The following LRMDA variants were observed in gnomAD, a reference collection of about 807,000 sequenced individuals.
LRMDA encodes leucine rich melanocyte differentiation associated.
Under a neutral mutation model 29.8 loss-of-function variants are expected in LRMDA, and 18 were observed. The observed-to-expected ratio is 0.60, with a 90% confidence interval of 0.42 to 0.90. The LOEUF (loss-of-function observed/expected upper bound fraction) is 0.90. Ranked by LOEUF, LRMDA falls within the 40% of genes least tolerant of loss-of-function variation. LRMDA has a pLI of 0.00. For synonymous variants in LRMDA, 125 were observed against 109.4 expected, an observed-to-expected ratio of 1.14 and a Z score of -0.89; for missense variants, 273 against 273.9, an observed-to-expected ratio of 1.00 and a Z score of 0.02.
At chr10:76,494,090 G>A (rs1051260464) in intron 6 of LRMDA, among the ~76,000 whole-genome samples, 10 of 151,888 alleles carry the variant, frequency 6.6e-5, no homozygotes, top group Non-Finnish European at 1.0e-4. Context: ...GTGATTTTCT[G>A]TATAGCTGAT....
At chr10:76,385,165 A>G (rs1314100944) in intron 6 of LRMDA, among the ~76,000 whole-genome samples, 1 of 152,242 alleles carries the variant, frequency 6.6e-6, no homozygotes. Context: ...AGAGGCTGTC[A>G]GTGAGTGAGA....
intron 4 of LRMDA, among the ~76,000 whole-genome samples, chr10:76,049,683 T>C (rs1047273778): frequency 6.6e-6 from 1 of 152,142 alleles, no homozygotes; most frequent in Admixed American, 6.5e-5. Context: ...AATTTTAGGG[T>C]TTTGCAATAT....
chr10:75,867,290 G>A (rs1481427941), intron 2 of LRMDA, among the ~76,000 whole-genome samples: 1 of 152,136 alleles, frequency 6.6e-6, no homozygotes, highest in African/African-American at 2.4e-5. Flanking sequence ...AGCCTCCTGA[G>A]TAGCTGGGAT....
At chr10:76,210,888 C>T (rs954200459) in intron 5 of LRMDA, among the ~76,000 whole-genome samples, 48 of 152,178 alleles carry the variant, frequency 3.2e-4, no homozygotes, top group Admixed American at 1.3e-3. Context: ...GGATAAGGTT[C>T]TGCTTTAATT....
At chr10:75,628,339 T>C (rs1167305893) in intron 2 of LRMDA, among the ~76,000 whole-genome samples, 3 of 152,204 alleles carry the variant, frequency 2.0e-5, no homozygotes, top group African/African-American at 2.4e-5. Context: ...TGACTTGAGC[T>C]TTATATTATG....
At chr10:76,401,322 T>G (rs1345250144) in intron 6 of LRMDA, among the ~76,000 whole-genome samples, 1 of 152,220 alleles carries the variant, frequency 6.6e-6, no homozygotes, top group East Asian at 1.9e-4. Context: ...ATTTACTTGC[T>G]TATTCTTTTA....
At chr10:75,858,503 G>A (rs1197080117) in intron 2 of LRMDA, among the ~76,000 whole-genome samples, 2 of 152,172 alleles carry the variant, frequency 1.3e-5, no homozygotes. Context: ...AGCACTTAAT[G>A]TGTGCTGAGT....
chr10:75,782,685 G>A lies in LRMDA; in HGVS notation c.132-253323G>A. On this transcript the variant is annotated intron_variant, in intron 2 of 6. Coordinates refer to ENST00000611255, the MANE Select transcript of LRMDA (RefSeq NM_001305581.2). ...GTCCTCGCTGCCGGTGCAGTTCCAAGTAGAGTCAACATAAAGCCAGGCACT... is the reference window on the plus strand; with the variant it reads ...GTCCTCGCTGCCGGTGCAGTTCCAAATAGAGTCAACATAAAGCCAGGCACT... 5 of 1,193,644 alleles carry A rather than the reference G, an allele frequency of 4.2e-6. No individual in the cohort carries two copies. In the South Asian group the frequency reaches 1.1e-4, roughly 27 times the overall value. The allele number at this position is 1,193,644 out of a possible 1,614,324, so 73.9% of individuals were successfully genotyped here. A position where few individuals can be genotyped will look rare whatever the true frequency, so the allele number is the denominator to read the frequency against.
At chr10:75,988,017 T>C (rs531232738) in intron 2 of LRMDA, among the ~76,000 whole-genome samples, 1 of 152,302 alleles carries the variant, frequency 6.6e-6, no homozygotes, top group East Asian at 1.9e-4. Flanking sequence ...TCAGGTTATA[T>C]GTGTTTCGTT....
At chr10:75,603,617 A>G (rs1268530864) in intron 2 of LRMDA, among the ~76,000 whole-genome samples, 1 of 152,132 alleles carries the variant, frequency 6.6e-6, no homozygotes, top group East Asian at 1.9e-4. Flanking sequence ...AAAACTGGCC[A>G]TTAGTCTCAG....
intron 2 of LRMDA, among the ~76,000 whole-genome samples, chr10:75,898,650 G>GA (rs138051065): frequency 1.7e-4 from 26 of 149,856 alleles, no homozygotes; most frequent in Non-Finnish European, 2.2e-4. Flanking sequence ...CTCAAAACAA[G>GA]AAAAAAAAAG....
chr10:76,431,071 C>T (rs758469093), intron 6 of LRMDA, among the ~76,000 whole-genome samples: 5 of 152,156 alleles, frequency 3.3e-5, no homozygotes, highest in South Asian at 2.1e-4. Flanking sequence ...TTTATCTCTA[C>T]AGTTCAAGGC....
intron 5 of LRMDA, among the ~76,000 whole-genome samples, chr10:76,125,246 A>G (rs935662409): frequency 6.6e-6 from 1 of 152,106 alleles, no homozygotes; most frequent in African/African-American, 2.4e-5. Context: ...CCTTTTCTGC[A>G]GGGGTGGAGG....
intron 2 of LRMDA, among the ~76,000 whole-genome samples, chr10:75,880,991 T>C (rs1845285158): frequency 6.6e-6 from 1 of 152,154 alleles, no homozygotes; most frequent in African/African-American, 2.4e-5. Flanking sequence ...AATGATACTT[T>C]CTTGAAGATG....
At chr10:76,195,720 A>G (rs1851320920) in intron 5 of LRMDA, among the ~76,000 whole-genome samples, 1 of 152,228 alleles carries the variant, frequency 6.6e-6, no homozygotes, top group African/African-American at 2.4e-5. Context: ...CATATTGTTG[A>G]CTGATTCATC....
chr10:75,537,215 C>T (rs1475751895), intron 2 of LRMDA, among the ~76,000 whole-genome samples: 3 of 152,084 alleles, frequency 2.0e-5, no homozygotes, highest in Non-Finnish European at 4.4e-5. Flanking sequence ...CTTGTCATTG[C>T]CTCATTATTA....
chr10:76,299,126 C>T lies in LRMDA; in HGVS notation c.517-25275C>T, dbSNP rs960363571. Among the ~76,000 whole-genome samples the T allele has an allele frequency of 5.3e-5, 8 of 151,240 alleles. No homozygotes were observed. The East Asian group carries it at 7.7e-4, about 15-fold the overall frequency. On this transcript the variant is annotated intron_variant, in intron 5 of 6. Coordinates refer to ENST00000611255, the MANE Select transcript of LRMDA (RefSeq NM_001305581.2). ...CAGATAGATGTTCCTCCTGCATATA[C>T]GTCAGGAACATCTGCTGTTAGAGAA...
chr10:75,970,736 G>A (rs1339322721), intron 2 of LRMDA, among the ~76,000 whole-genome samples: 1 of 152,156 alleles, frequency 6.6e-6, no homozygotes, highest in Non-Finnish European at 1.5e-5. Context: ...GAAGAGGATG[G>A]GCACAGAGGA....
At chr10:75,608,624 T>C (rs1318216838) in intron 2 of LRMDA, among the ~76,000 whole-genome samples, 5 of 152,180 alleles carry the variant, frequency 3.3e-5, no homozygotes, top group African/African-American at 1.2e-4. Flanking sequence ...ATTGTATATA[T>C]TGACAATAAC....
Sources: allele counts gnomAD v4.1 joint callset (sites outside exome capture counted in the v4.1 genomes callset), GRCh38; gene constraint gnomAD v4.1.1; transcripts MANE v1.5; gene names NCBI Gene and HGNC (gene_info 2026-07-23, HGNC 2026-07-21).